The following TAB3 variants were observed in gnomAD, a reference collection of about 807,000 sequenced individuals.
TAB3 encodes TGF-beta activated kinase 1 (MAP3K7) binding protein 3.
A neutral mutation model predicts 48.1 loss-of-function variants in TAB3; 18 were observed. The observed-to-expected ratio is 0.37, with a 90% CI of 0.26 to 0.55. The LOEUF is 0.55. TAB3 is among the 20% of genes least tolerant of loss of function. TAB3 has a pLI of 0.78. For missense variants in TAB3, 414 were observed against 549.8 expected, an observed-to-expected ratio of 0.75 and a Z score of 2.47; for synonymous variants, 185 against 190.2, an observed-to-expected ratio of 0.97 and a Z score of 0.22.
At chrX:30,887,481 ATCAG>A (rs1940164164) in intron 1 of TAB3, among the ~76,000 whole-genome samples, 1 of 113,030 alleles carries the variant, frequency 8.8e-6, no homozygotes, top group African/African-American at 3.2e-5. Context: ...TAAAATTTGT[ATCAG>A]TCAGCACAAA....
At chrX:30,878,079 A>G (rs1939888098) in intron 1 of TAB3, among the ~76,000 whole-genome samples, 1 of 112,674 alleles carries the variant, frequency 8.9e-6, no homozygotes, top group South Asian at 3.6e-4. Context: ...CACCAGAACA[A>G]TATAACGAAC....
chrX:30,861,864 T>G (rs1037742109), intron 4 of TAB3, among the ~76,000 whole-genome samples: 1 of 112,482 alleles, frequency 8.9e-6, no homozygotes, highest in Admixed American at 9.4e-5. Flanking sequence ...ATAAAATCAG[T>G]TATTTTATAT....
At chrX:30,879,646 A>G (rs1939940732) in intron 1 of TAB3, among the ~76,000 whole-genome samples, 1 of 111,850 alleles carries the variant, frequency 8.9e-6, no homozygotes, top group Non-Finnish European at 1.9e-5. Flanking sequence ...ATCATATTTA[A>G]TGGAGAAATG....
intron 4 of TAB3, among the ~76,000 whole-genome samples, chrX:30,864,246 G>C (rs1033063821): frequency 9.0e-6 from 1 of 111,675 alleles, no homozygotes; most frequent in Non-Finnish European, 1.9e-5. Flanking sequence ...AAACACTAAA[G>C]ACATAAACCC....
chrX:30,865,022 G>A (rs1046829417), intron 4 of TAB3, among the ~76,000 whole-genome samples: 2 of 111,514 alleles, frequency 1.8e-5, no homozygotes, highest in African/African-American at 3.3e-5. Flanking sequence ...CACTCATCTA[G>A]ATACCTGCTG....
At chrX:30,845,486 T>C (rs1207555702) in intron 8 of TAB3, 1 of 112,004 alleles carries the variant, frequency 8.9e-6, no homozygotes, top group Non-Finnish European at 1.9e-5. Context: ...GGACCTGTGA[T>C]AGAGTCTCTG....
At chrX:30,879,404 T>C (rs1050482829) in intron 1 of TAB3, among the ~76,000 whole-genome samples, 6 of 111,807 alleles carry the variant, frequency 5.4e-5, no homozygotes, top group African/African-American at 1.9e-4. Context: ...AAAGTAAAAT[T>C]AGAGGAAAAT....
chrX:30,880,593 T>G (rs1939970976), intron 1 of TAB3, among the ~76,000 whole-genome samples: 1 of 111,314 alleles, frequency 9.0e-6, no homozygotes, highest in Admixed American at 9.5e-5. Flanking sequence ...TACCATGAAA[T>G]AGAAAAAGCA....
intron 1 of TAB3, among the ~76,000 whole-genome samples, chrX:30,877,292 A>G (rs1939869404): frequency 8.9e-6 from 1 of 112,244 alleles, no homozygotes; most frequent in East Asian, 2.8e-4. Flanking sequence ...AAATAAAAAC[A>G]GAGTTCATCT....
At position 30,831,217 on chromosome X, in the gene TAB3, C is replaced by G; in HGVS notation, c.*210G>C. 1 of 350,726 alleles carries G rather than the reference C, an allele frequency of 2.9e-6. No individual in the cohort carries two copies. Among genetic ancestry groups the G allele is most frequent in the Non-Finnish European group, 4.9e-6 (1 of 204,760 alleles). The allele number at this position is 350,726 out of a possible 1,213,427, so 28.9% of individuals were successfully genotyped here. On this transcript the variant is annotated 3_prime_UTR_variant, in exon 11 of 11. Transcript: ENST00000288422. ...CCCAGTTTCAAGTATCCCTTTCTATCTCTCACTCTGTAGTGAGTTAAGAAA... is the reference window on the plus strand; with the variant it reads ...CCCAGTTTCAAGTATCCCTTTCTATGTCTCACTCTGTAGTGAGTTAAGAAA...
intron 5 of TAB3, among the ~76,000 whole-genome samples, chrX:30,857,188 A>T (rs902732866): frequency 1.3e-4 from 15 of 112,180 alleles, no homozygotes; most frequent in Non-Finnish European, 2.6e-4. Context: ...AATTATAATC[A>T]ATATAGAAAA....
intron 9 of TAB3, among the ~76,000 whole-genome samples, chrX:30,839,914 T>TTATATATATATA (rs56260124): frequency 1.2e-5 from 1 of 82,248 alleles, no homozygotes; most frequent in African/African-American, 4.3e-5. Context: ...CATATATATA[T>TTATATATATATA]TATATATATA....
intron 8 of TAB3, chrX:30,844,667 T>TTGC (rs1243955796): frequency 1.8e-5 from 2 of 112,520 alleles, no homozygotes; most frequent in African/African-American, 3.2e-5. Flanking sequence ...AATTCTTTGA[T>TTGC]TGCTTCAAGT....
chrX:30,868,311 ATAGCT>A (rs1334733048), intron 2 of TAB3, among the ~76,000 whole-genome samples: 208 of 1,693 alleles, frequency 0.12, 55 homozygotes, highest in African/African-American at 0.34. Context: ...ATATATATAT[ATAGCT>A]TATATATATA....
At chrX:30,863,874 T>C (rs1485301415) in intron 4 of TAB3, among the ~76,000 whole-genome samples, 1 of 112,324 alleles carries the variant, frequency 8.9e-6, no homozygotes, top group East Asian at 2.8e-4. Context: ...TTTAATCCAA[T>C]AGAAACAAAA....
intron 5 of TAB3, among the ~76,000 whole-genome samples, chrX:30,856,893 T>G (rs1457818793): frequency 9.0e-6 from 1 of 111,224 alleles, no homozygotes; most frequent in Non-Finnish European, 1.9e-5. Context: ...AGATTCTTAT[T>G]CTCCTGAGTC....
At chrX:30,876,793 A>C (rs1939853190) in intron 1 of TAB3, among the ~76,000 whole-genome samples, 1 of 111,867 alleles carries the variant, frequency 8.9e-6, no homozygotes, top group Non-Finnish European at 1.9e-5. Flanking sequence ...GAAACTAAGA[A>C]TTCAATAAAC....
At chrX:30,880,719 G>T (rs1459602778) in intron 1 of TAB3, among the ~76,000 whole-genome samples, 1 of 111,411 alleles carries the variant, frequency 9.0e-6, no homozygotes, top group Non-Finnish European at 1.9e-5. Flanking sequence ...ACACATTTTT[G>T]AAGAAATTCC....
chrX:30,847,820 G>T lies in TAB3; in HGVS notation c.1711-1176C>A, dbSNP rs140534111. Among the ~76,000 whole-genome samples, 904 of 111,184 alleles carry T rather than the reference G, an allele frequency of 8.1e-3. 8 individuals carry two copies. The highest frequency in any genetic ancestry group is 0.028 in the African/African-American group (866 of 30,563). ...CTGAGAATGCCCATTAAATAAGCAG[G>T]TATCAAAGTTTAAAATAAGTGATAA... On this transcript the variant is annotated intron_variant, in intron 7 of 10. Transcript: ENST00000288422.
Sources: allele counts gnomAD v4.1 joint callset (sites outside exome capture counted in the v4.1 genomes callset), GRCh38; gene constraint gnomAD v4.1.1; transcripts MANE v1.5; gene names NCBI Gene and HGNC (gene_info 2026-07-23, HGNC 2026-07-21).